The following RBFOX1 variants were observed in gnomAD, a reference collection of about 807,000 sequenced individuals.
The protein encoded by RBFOX1 is RNA binding fox-1 homolog 1.
RBFOX1 carries 8 observed loss-of-function variants against 57.7 expected under a neutral mutation model. The observed-to-expected ratio is 0.14, with a 90% CI of 0.08 to 0.25. The LOEUF is 0.25. Ranked by LOEUF, RBFOX1 falls within the 10% of genes least tolerant of loss-of-function variation. RBFOX1 has a pLI of 1.00. For missense variants in RBFOX1, 611 were observed against 548.5 expected (o/e 1.11, Z -1.14); for synonymous variants, 326 against 222.4 (o/e 1.47, Z -4.15).
intron 4 of RBFOX1, among the ~76,000 whole-genome samples, chr16:7,131,755 G>A (rs929781066): frequency 6.6e-6 from 1 of 151,944 alleles, no homozygotes; most frequent in African/African-American, 2.4e-5. Flanking sequence ...TGGCCACTCA[G>A]GTTCTCTGAA....
chr16:5,819,421 C>G lies in RBFOX1; in HGVS notation c.319-47882C>G, dbSNP rs116562343. Reference sequence around the variant, plus strand: ...TTAGCAATATCTTCCTATGGTGCCTCTCTGCTTCCATCTATGCTCTGCTTC... The same window carrying G: ...TTAGCAATATCTTCCTATGGTGCCTGTCTGCTTCCATCTATGCTCTGCTTC... On this transcript the variant is annotated intron_variant, in intron 3 of 19. Transcript: ENST00000641259. Among the ~76,000 whole-genome samples, 94 of 152,316 alleles carry G rather than the reference C, an allele frequency of 6.2e-4. 1 individual carries two copies. Among genetic ancestry groups the G allele is most frequent in the African/African-American group, 2.1e-3 (89 of 41,566 alleles).
chr16:6,158,910 GT>G (rs35733470), intron 1 of RBFOX1, among the ~76,000 whole-genome samples: 89,462 of 144,902 alleles, frequency 0.62, 27,448 homozygotes, highest in Admixed American at 0.7. Context: ...TCATAGGTTT[GT>G]TTTTTTTTTT....
chr16:6,543,656 A>G (rs1480186666), intron 2 of RBFOX1, among the ~76,000 whole-genome samples: 7 of 152,188 alleles, frequency 4.6e-5, no homozygotes, highest in African/African-American at 1.7e-4. Flanking sequence ...CTGGTTGGAA[A>G]GAGGCACCTT....
intron 3 of RBFOX1, among the ~76,000 whole-genome samples, chr16:6,968,125 C>T (rs987710520): frequency 5.3e-5 from 8 of 152,102 alleles, no homozygotes; most frequent in African/African-American, 1.4e-4. Context: ...TGCAACCCCG[C>T]ACAGACACCA....
intron 1 of RBFOX1, among the ~76,000 whole-genome samples, chr16:5,276,278 C>G (rs1297036305): frequency 2.0e-5 from 3 of 152,134 alleles, no homozygotes; most frequent in African/African-American, 7.2e-5. Flanking sequence ...TTTTCACAAA[C>G]TGCATCTGAC....
intron 5 of RBFOX1, among the ~76,000 whole-genome samples, chr16:7,567,128 T>C (rs569196679): frequency 1.5e-5 from 2 of 130,558 alleles, no homozygotes; most frequent in Non-Finnish European, 3.3e-5. Flanking sequence ...TATCTCCCTA[T>C]ATATGTATAT....
chr16:5,425,122 TTG>T (rs2067516894), intron 1 of RBFOX1, among the ~76,000 whole-genome samples: 1 of 147,194 alleles, frequency 6.8e-6, no homozygotes, highest in Non-Finnish European at 1.5e-5. Context: ...TCTATCTATC[TTG>T]AGACAGAGTC....
chr16:7,293,471 T>G (rs1369299452), intron 4 of RBFOX1, among the ~76,000 whole-genome samples: 1 of 152,190 alleles, frequency 6.6e-6, no homozygotes, highest in Non-Finnish European at 1.5e-5. Context: ...GCCACCATCT[T>G]CATGTCTGCT....
intron 2 of RBFOX1, among the ~76,000 whole-genome samples, chr16:6,393,818 C>G (rs137911872): frequency 1.3e-5 from 2 of 152,284 alleles, no homozygotes; most frequent in Admixed American, 6.5e-5. Flanking sequence ...ATCATGTCAT[C>G]TGGATGACTG....
intron 3 of RBFOX1, among the ~76,000 whole-genome samples, chr16:6,833,141 G>GTATTT (rs572398164): frequency 7.3e-4 from 110 of 150,880 alleles, no homozygotes; most frequent in East Asian, 7.0e-3. Context: ...TTCAAGTCTT[G>GTATTT]TATTTTATTT....
At chr16:7,138,985 G>A (rs1044637561) in intron 4 of RBFOX1, among the ~76,000 whole-genome samples, 1 of 152,032 alleles carries the variant, frequency 6.6e-6, no homozygotes, top group Non-Finnish European at 1.5e-5. Flanking sequence ...TATATTTTTA[G>A]TAGAGACAGG....
intron 3 of RBFOX1, among the ~76,000 whole-genome samples, chr16:6,666,274 C>G (rs1324233814): frequency 1.3e-5 from 2 of 152,162 alleles, no homozygotes; most frequent in African/African-American, 4.8e-5. Context: ...TGGCTCATGC[C>G]TATAATCCCA....
intron 1 of RBFOX1, among the ~76,000 whole-genome samples, chr16:6,304,954 C>A (rs2079304113): frequency 6.7e-6 from 1 of 150,322 alleles, no homozygotes; most frequent in Non-Finnish European, 1.5e-5. Flanking sequence ...TTTCTCTCTC[C>A]AATGACAACA....
chr16:7,531,628 C>G (rs1278109900), intron 5 of RBFOX1, among the ~76,000 whole-genome samples: 85 of 152,112 alleles, frequency 5.6e-4, no homozygotes, highest in Non-Finnish European at 7.4e-5. Context: ...CATAACTCAT[C>G]AAGAAATAGG....
intron 2 of RBFOX1, among the ~76,000 whole-genome samples, chr16:6,391,610 A>G (rs1390468659): frequency 6.6e-6 from 1 of 152,146 alleles, no homozygotes; most frequent in African/African-American, 2.4e-5. Context: ...GGCAATGTGG[A>G]AAGGAAAAAA....
chr16:7,100,451 T>G (rs2062482806), intron 4 of RBFOX1, among the ~76,000 whole-genome samples: 1 of 152,210 alleles, frequency 6.6e-6, no homozygotes, highest in East Asian at 1.9e-4. Context: ...TTTTCATAGA[T>G]ACCCATTTTC....
At chr16:7,354,573 C>G (rs1330487380) in intron 4 of RBFOX1, among the ~76,000 whole-genome samples, 1 of 152,140 alleles carries the variant, frequency 6.6e-6, no homozygotes, top group African/African-American at 2.4e-5. Context: ...CAAAGGCCAC[C>G]AATGTGAAAT....
intron 3 of RBFOX1, among the ~76,000 whole-genome samples, chr16:5,840,536 G>A (rs2056594297): frequency 1.3e-5 from 2 of 152,154 alleles, no homozygotes; most frequent in Admixed American, 6.5e-5. Flanking sequence ...CTCCCCCACT[G>A]CCATCATGAT....
chr16:6,419,759 G>A (rs531037615), intron 2 of RBFOX1, among the ~76,000 whole-genome samples: 40 of 152,142 alleles, frequency 2.6e-4, no homozygotes, highest in African/African-American at 7.2e-4. Context: ...CACACACACC[G>A]CAATTTTTGC....
Sources: allele counts gnomAD v4.1 joint callset (sites outside exome capture counted in the v4.1 genomes callset), GRCh38; gene constraint gnomAD v4.1.1; transcripts MANE v1.5; gene names NCBI Gene and HGNC (gene_info 2026-07-23, HGNC 2026-07-21).